The following FOXN3 variants were observed in gnomAD, a reference collection of about 807,000 sequenced individuals.
The protein encoded by FOXN3 is forkhead box protein N3.
FOXN3 carries 7 observed loss-of-function variants against 38.4 expected under a neutral mutation model. That is an observed-to-expected ratio of 0.18 (90% CI 0.10 to 0.34). The LOEUF is 0.34. Ranked by LOEUF, FOXN3 falls within the 10% of genes least tolerant of loss-of-function variation. The pLI is 1.00. For missense variants in FOXN3, 456 were observed against 613.4 expected, an observed-to-expected ratio of 0.74 and a Z score of 2.71; for synonymous variants, 230 against 242.2, an observed-to-expected ratio of 0.95 and a Z score of 0.47.
chr14:89,405,962 T>C (rs1891378258), intron 2 of FOXN3, among the ~76,000 whole-genome samples: 1 of 151,920 alleles, frequency 6.6e-6, no homozygotes, highest in South Asian at 2.1e-4. Context: ...GGACAGGAGT[T>C]CAAGACCAGA....
intron 1 of FOXN3, among the ~76,000 whole-genome samples, chr14:89,458,176 C>A (rs7152796): frequency 6.6e-6 from 1 of 151,940 alleles, no homozygotes; most frequent in Non-Finnish European, 1.5e-5. Flanking sequence ...GGAAGAGTGG[C>A]TCCCAGCACT....
At chr14:89,292,720 C>T (rs1344605876) in intron 3 of FOXN3, among the ~76,000 whole-genome samples, 1 of 152,200 alleles carries the variant, frequency 6.6e-6, no homozygotes, top group Non-Finnish European at 1.5e-5. Context: ...TCTTGGACTT[C>T]CCAGCCTCCA....
chr14:89,511,049 G>A (rs1468488847), intron 1 of FOXN3, among the ~76,000 whole-genome samples: 1 of 152,052 alleles, frequency 6.6e-6, no homozygotes, highest in Admixed American at 6.6e-5. Context: ...AGGCGTTCAT[G>A]AGTGTCCAGA....
At chr14:89,307,341 C>T (rs1596170743) in intron 3 of FOXN3, among the ~76,000 whole-genome samples, 2 of 151,870 alleles carry the variant, frequency 1.3e-5, no homozygotes, top group East Asian at 1.9e-4. Flanking sequence ...CAATCTGAGG[C>T]ACTCATCAGA....
At position 89,229,832 on chromosome 14, in the gene FOXN3, G is replaced by A. The variant is rs138608239; in HGVS notation, c.746-49026C>T. 3.2e-3 allele frequency among the ~76,000 whole-genome samples: 491 copies of A among 152,290 alleles called. 4 individuals carry two copies. Among genetic ancestry groups the A allele is most frequent in the Admixed American group, 6.1e-3 (93 of 15,300 alleles). Reference sequence around the variant, plus strand: ...AAAAAAGAGCTATAGTACAGCCACCGACCAAACCGAAGGATGTCCACAAGA... The same window carrying A: ...AAAAAAGAGCTATAGTACAGCCACCAACCAAACCGAAGGATGTCCACAAGA... On this transcript the variant is annotated intron_variant, in intron 4 of 5. Transcript: ENST00000557258.
intron 1 of FOXN3, among the ~76,000 whole-genome samples, chr14:89,439,502 C>G (rs1596274050): frequency 6.6e-6 from 1 of 152,130 alleles, no homozygotes; most frequent in African/African-American, 2.4e-5. Flanking sequence ...TTACAAATGC[C>G]ATGGCAACAT....
At chr14:89,579,490 T>C (rs960919641) in intron 1 of FOXN3, among the ~76,000 whole-genome samples, 3 of 152,174 alleles carry the variant, frequency 2.0e-5, no homozygotes, top group Admixed American at 2.0e-4. Flanking sequence ...TCCAATTCAG[T>C]GACTTCTTCA....
chr14:89,187,639 G>T (rs1887841920), intron 4 of FOXN3, among the ~76,000 whole-genome samples: 1 of 152,150 alleles, frequency 6.6e-6, no homozygotes, highest in Non-Finnish European at 1.5e-5. Flanking sequence ...AAATCCCAAG[G>T]CAAATAACGT....
At chr14:89,219,052 C>A (rs1178585960) in intron 4 of FOXN3, among the ~76,000 whole-genome samples, 1 of 152,204 alleles carries the variant, frequency 6.6e-6, no homozygotes, top group African/African-American at 2.4e-5. Flanking sequence ...CTCCCTTCTT[C>A]CCCTAAGAAA....
chr14:89,571,453 G>A (rs915377535), intron 1 of FOXN3, among the ~76,000 whole-genome samples: 3 of 151,116 alleles, frequency 2.0e-5, no homozygotes, highest in South Asian at 2.1e-4. Flanking sequence ...AGGTTGCAGC[G>A]AGCCGAGATT....
In FOXN3 at chr14:89,161,731, C is replaced by T. The variant is rs1440097292; in HGVS notation, c.*683G>A. ...TTCTTCTCCATGAGTCACTGACACC[C>T]GATGCGCATGAACAGTCCAACGTCC... On this transcript the variant is annotated 3_prime_UTR_variant, in exon 6 of 6. Transcript: ENST00000557258. The T allele has an allele frequency of 6.6e-6, 1 of 152,422 alleles. No individual in the cohort carries two copies. The highest frequency in any genetic ancestry group is 1.5e-5 in the Non-Finnish European group (1 of 68,062). The allele number at this position is 152,422 out of a possible 1,614,324, so 9.4% of individuals were successfully genotyped here. A position where few individuals can be genotyped will look rare whatever the true frequency, so the allele number is the denominator to read the frequency against.
chr14:89,528,054 C>T (rs978484556), intron 1 of FOXN3, among the ~76,000 whole-genome samples: 1 of 152,242 alleles, frequency 6.6e-6, no homozygotes, highest in African/African-American at 2.4e-5. Context: ...AACTCTCATA[C>T]CCTGCTGGTA....
intron 4 of FOXN3, among the ~76,000 whole-genome samples, chr14:89,199,636 C>T (rs1316814188): frequency 2.0e-5 from 3 of 152,144 alleles, no homozygotes; most frequent in Non-Finnish European, 4.4e-5. Flanking sequence ...TTTGTGGTGG[C>T]TCATGCCTGT....
intron 4 of FOXN3, among the ~76,000 whole-genome samples, chr14:89,206,212 A>G (rs896950473): frequency 1.3e-5 from 2 of 152,238 alleles, no homozygotes; most frequent in Non-Finnish European, 2.9e-5. Context: ...CGCCCCGTAC[A>G]TAAGCACAAA....
intron 4 of FOXN3, among the ~76,000 whole-genome samples, chr14:89,245,572 G>A (rs1367880027): frequency 2.6e-5 from 4 of 151,752 alleles, no homozygotes; most frequent in South Asian, 4.2e-4. Context: ...CATTTATATC[G>A]TTTCTCAGCC....
At position 89,182,528 on chromosome 14, in the gene FOXN3, A is replaced by G. The variant is rs1566923099; in HGVS notation, c.746-1722T>C. On this transcript the variant is annotated intron_variant, in intron 4 of 5. Coordinates refer to ENST00000557258, the MANE Select transcript of FOXN3 (RefSeq NM_005197.4). ...CAGACCCAGATCAGTAGCTCCTACC[A>G]TTCCTGATTATCAGCCTGATTTCCG... 3.9e-5 allele frequency among the ~76,000 whole-genome samples: 6 copies of G among 152,330 alleles called. No individual in the cohort carries two copies. The South Asian group carries it at 1.0e-3, about 26-fold the overall frequency.
intron 2 of FOXN3, among the ~76,000 whole-genome samples, chr14:89,383,556 T>C (rs745381728): frequency 6.6e-6 from 1 of 152,318 alleles, no homozygotes; most frequent in African/African-American, 2.4e-5. Flanking sequence ...CTGGGGAACA[T>C]CCTTCCTTGC....
intron 1 of FOXN3, among the ~76,000 whole-genome samples, chr14:89,567,744 A>C (rs1484103853): frequency 7.4e-6 from 1 of 135,152 alleles, no homozygotes; most frequent in Admixed American, 7.6e-5. Context: ...TTTTTTTTAG[A>C]CAGAGTCTCG....
intron 2 of FOXN3, chr14:89,351,379 C>T (rs1036322630): frequency 6.6e-6 from 1 of 152,210 alleles, no homozygotes; most frequent in African/African-American, 2.4e-5. Context: ...CAAAAGAACT[C>T]AGGCAGCAAT....
Sources: gnomAD v4.1 joint callset for allele counts (sites outside exome capture counted in the v4.1 genomes callset) on GRCh38, gnomAD v4.1.1 for gene constraint, MANE v1.5 for transcripts, NCBI Gene and HGNC (gene_info 2026-07-23, HGNC 2026-07-21) for gene names.